Variants in GPR137B observed in about 807,000 individuals in gnomAD.
The protein encoded by GPR137B is G protein-coupled receptor 137B.
A neutral mutation model predicts 42.5 loss-of-function variants in GPR137B; 42 were observed. That is an observed-to-expected ratio of 0.99 (90% CI 0.77 to 1.28). The LOEUF is 1.28. Among genes scored for constraint, GPR137B ranks in the 50% most tolerant of loss-of-function variants. The pLI is 0.00. For missense variants in GPR137B, 487 were observed against 493.9 expected (o/e 0.99, Z 0.13); for synonymous variants, 218 against 209.7 (o/e 1.04, Z -0.34).
At chr1:236,162,301 T>C (rs1419086116) in intron 1 of GPR137B, among the ~76,000 whole-genome samples, 1 of 152,168 alleles carries the variant, frequency 6.6e-6, no homozygotes, top group Non-Finnish European at 1.5e-5. Context: ...GCAAAGCATT[T>C]AGAGGTGACT....
intron 2 of GPR137B, among the ~76,000 whole-genome samples, chr1:236,172,142 C>T (rs1662554723): frequency 6.6e-6 from 1 of 152,034 alleles, no homozygotes; most frequent in African/African-American, 2.4e-5. Flanking sequence ...TAACCCAGTC[C>T]TAGTGATTTT....
At chr1:236,204,905 C>A (rs748347877) in intron 5 of GPR137B, among the ~76,000 whole-genome samples, 3 of 152,154 alleles carry the variant, frequency 2.0e-5, no homozygotes, top group Non-Finnish European at 4.4e-5. Flanking sequence ...CTCACTGTTG[C>A]AAGCAAGACT....
intron 3 of GPR137B, 24 bp from the exon 4 acceptor site, chr1:236,179,855 T>A (rs771914545): frequency 1.9e-6 from 3 of 1,551,802 alleles, no homozygotes; most frequent in Non-Finnish European, 2.6e-6. Context: ...GAGTGTCCCA[T>A]ACCTTCTGCT....
At chr1:236,160,021 C>T (rs529779628) in intron 1 of GPR137B, among the ~76,000 whole-genome samples, 1 of 152,290 alleles carries the variant, frequency 6.6e-6, no homozygotes, top group South Asian at 2.1e-4. Flanking sequence ...AGCGTCATCC[C>T]CAGATCTATT....
At chr1:236,145,889 T>C (rs1426451529) in intron 1 of GPR137B, among the ~76,000 whole-genome samples, 1 of 152,114 alleles carries the variant, frequency 6.6e-6, no homozygotes, top group African/African-American at 2.4e-5. Context: ...TCTTTTTATT[T>C]TATTTTTTGA....
chr1:236,172,897 G>A (rs1662584382), intron 2 of GPR137B, among the ~76,000 whole-genome samples: 1 of 150,886 alleles, frequency 6.6e-6, no homozygotes, highest in Non-Finnish European at 1.5e-5. Flanking sequence ...TTGCTATGTT[G>A]CCCAGGCTGG....
rs868340573 is a variant in GPR137B, at chr1:236,150,381, G to A, written c.414+7345G>A. Reference sequence around the variant, plus strand: ...GGTTTCCTTATTTTCTTGGTCTGCCGTTCACCCCCAGCACCTCCCGCAGGC... The same window carrying A: ...GGTTTCCTTATTTTCTTGGTCTGCCATTCACCCCCAGCACCTCCCGCAGGC... On this transcript the variant is annotated intron_variant, in intron 1 of 6. Coordinates refer to ENST00000366592, the MANE Select transcript of GPR137B (RefSeq NM_003272.4). This position sits in a 1 kb window ranked among gnomAD's most constrained non-coding sequence, Gnocchi z 6.2. Among the ~76,000 whole-genome samples, 4 of 152,032 alleles carry A rather than the reference G, an allele frequency of 2.6e-5. No individual in the cohort carries two copies. Among genetic ancestry groups the A allele is most frequent in the African/African-American group, 7.2e-5 (3 of 41,382 alleles).
At chr1:236,164,956 G>A (rs1662309717) in intron 1 of GPR137B, among the ~76,000 whole-genome samples, 1 of 152,138 alleles carries the variant, frequency 6.6e-6, no homozygotes, top group African/African-American at 2.4e-5. Context: ...CCAGGCTGGA[G>A]TGCAATGGTG....
At chr1:236,163,037 C>T (rs771889202) in intron 1 of GPR137B, among the ~76,000 whole-genome samples, 2 of 152,178 alleles carry the variant, frequency 1.3e-5, no homozygotes, top group Non-Finnish European at 2.9e-5. Context: ...TGAAAGCAGC[C>T]GGGAGAGAGG....
chr1:236,196,155 T>G (rs1038643754), intron 5 of GPR137B, among the ~76,000 whole-genome samples: 11 of 152,198 alleles, frequency 7.2e-5, no homozygotes, highest in Non-Finnish European at 1.3e-4. Flanking sequence ...TTTATTTATT[T>G]TTGAGATGGA....
At chr1:236,149,954 G>A (rs1280810306) in intron 1 of GPR137B, among the ~76,000 whole-genome samples, 2 of 151,686 alleles carry the variant, frequency 1.3e-5, no homozygotes, top group Admixed American at 6.6e-5. Context: ...GTGCATATGC[G>A]TGTGTGCCTG....
Position 236,149,915 on chromosome 1 carries a change from C to A in GPR137B, c.414+6879C>A, listed in dbSNP as rs190103954. Among the ~76,000 whole-genome samples, 262 of 150,788 alleles carry A rather than the reference C, an allele frequency of 1.7e-3. 2 individuals are homozygous for A. The highest frequency in any genetic ancestry group is 8.0e-3 in the South Asian group (38 of 4,750). ...GTGTATGTACATGTGTGCCTGTGCA[C>A]GTGTGGCTGCGTGCACCTGTGTGTG... On this transcript the variant is annotated intron_variant, in intron 1 of 6. Coordinates refer to ENST00000366592, the MANE Select transcript of GPR137B (RefSeq NM_003272.4).
intron 3 of GPR137B, among the ~76,000 whole-genome samples, chr1:236,178,841 A>C (rs900690931): frequency 1.1e-5 from 1 of 87,412 alleles, no homozygotes; most frequent in Non-Finnish European, 2.2e-5. Context: ...TCTGTCTCCC[A>C]GGCTGGAGTG....
Position 236,204,592 on chromosome 1 carries a change from T to TAACA in GPR137B, c.967-533_967-530dup, listed in dbSNP as rs767600537. ...CTCTTGCCTTTTTTCTCCTTGTTAC[T>TAACA]AACAGTGAAAGTCTTTAGAAAACCT... On this transcript the variant is annotated intron_variant, in intron 5 of 6. Coordinates refer to ENST00000366592, the MANE Select transcript of GPR137B (RefSeq NM_003272.4). Among the ~76,000 whole-genome samples the TAACA allele has an allele frequency of 5.9e-5, 9 of 152,274 alleles. No homozygotes were observed. The South Asian group carries it at 6.2e-4, about 11-fold the overall frequency.
chr1:236,200,444 G>GAC (rs895034930), intron 5 of GPR137B, among the ~76,000 whole-genome samples: 1 of 151,874 alleles, frequency 6.6e-6, no homozygotes, highest in Non-Finnish European at 1.5e-5. Flanking sequence ...TGCTGTCAGT[G>GAC]GAGTACTGAA....
intron 1 of GPR137B, among the ~76,000 whole-genome samples, chr1:236,145,437 C>T (rs1661655558): frequency 6.6e-6 from 1 of 152,212 alleles, no homozygotes; most frequent in South Asian, 2.1e-4. Flanking sequence ...CGGCTCACTG[C>T]AGCCTCCGCC....
Position 236,178,415 on chromosome 1 carries a change from T to G in GPR137B, c.466T>G (p.Leu156Val), listed in dbSNP as rs774270458. 1.9e-5 allele frequency: 30 copies of G among 1,605,910 alleles called. No homozygotes were observed. The highest frequency in any genetic ancestry group is 2.5e-5 in the Non-Finnish European group (29 of 1,173,362). ...KYSPELLKYR[L>V]PLYLASLFIS... is the part of the protein sequence containing the mutation. ...ACAAGTTGCTCTCATGCCTTCCAGGTTGCCCCTCTACCTGGCCTCCCTCTT... is the reference window on the plus strand; with the variant it reads ...ACAAGTTGCTCTCATGCCTTCCAGGGTGCCCCTCTACCTGGCCTCCCTCTT... Residue 156 changes from leucine (L) to valine (V), a missense_variant and splice_region_variant, in exon 3 of 7, where the codon TTG becomes GTG. By Grantham distance (32) the Leu-to-Val change is conservative. Transcript: ENST00000366592.
At position 236,150,095 on chromosome 1, in the gene GPR137B, GTGTCTGTGCCTGTGTA is replaced by G. The variant is rs1661806735; in HGVS notation, c.414+7072_414+7087del. Among the ~76,000 whole-genome samples, 1 of 149,264 alleles carries G rather than the reference GTGTCTGTGCCTGTGTA, an allele frequency of 6.7e-6. No individual in the cohort carries two copies. Among genetic ancestry groups the G allele is most frequent in the African/African-American group, 2.5e-5 (1 of 40,616 alleles). Reference sequence around the variant, plus strand: ...GGTCTCTGAGTGTCTGTGCATGTGTGTGTCTGTGCCTGTGTATGTCTGTGCCTGCGTGTGCCTGTGT... The same window carrying G: ...GGTCTCTGAGTGTCTGTGCATGTGTGTGTCTGTGCCTGCGTGTGCCTGTGT... On this transcript the variant is annotated intron_variant, in intron 1 of 6. Transcript: ENST00000366592. This position sits in a 1 kb window ranked among gnomAD's most constrained non-coding sequence, Gnocchi z 6.2.
intron 5 of GPR137B, among the ~76,000 whole-genome samples, chr1:236,186,238 A>ATATATT (rs1663017316): frequency 1.6e-5 from 1 of 61,484 alleles, no homozygotes; most frequent in African/African-American, 7.1e-5. Context: ...AATATATAAT[A>ATATATT]ATATAAATAA....
Sources: gnomAD v4.1 joint callset for allele counts (sites outside exome capture counted in the v4.1 genomes callset) on GRCh38, gnomAD v4.1.1 for gene constraint, Gnocchi (gnomAD v3.1) non-coding constraint, MANE v1.5 for transcripts, NCBI Gene and HGNC (gene_info 2026-07-23, HGNC 2026-07-21) for gene names.